BSDC1: variants seen among roughly 807,000 people sequenced by gnomAD.
The protein encoded by BSDC1 is BSD domain containing 1, also known as BSD domain-containing protein 1.
Under a neutral mutation model 56.0 loss-of-function variants are expected in BSDC1, and 29 were observed. The observed-to-expected ratio is 0.52, with a 90% CI of 0.39 to 0.71. The LOEUF is 0.71. Ranked by LOEUF, BSDC1 falls within the 30% of genes least tolerant of loss-of-function variation. BSDC1 has a pLI of 0.00. For missense variants in BSDC1, 477 were observed against 548.5 expected (o/e 0.87, Z 1.30); for synonymous variants, 210 against 215.3 (o/e 0.98, Z 0.21).
intron 9 of BSDC1, among the ~76,000 whole-genome samples, chr1:32,369,539 CA>C (rs1641992740): frequency 6.6e-6 from 1 of 152,100 alleles, no homozygotes; most frequent in African/African-American, 2.4e-5. Flanking sequence ...CTCGGACCCC[CA>C]AACAGTAGAC....
intron 9 of BSDC1, among the ~76,000 whole-genome samples, chr1:32,372,105 G>A (rs114249002): frequency 1.5e-4 from 23 of 152,322 alleles, no homozygotes; most frequent in African/African-American, 5.1e-4. Context: ...AGGTATGAAT[G>A]TAAAGTGCCT....
At chr1:32,387,732 T>C (rs1483052282) in intron 2 of BSDC1, among the ~76,000 whole-genome samples, 1 of 152,210 alleles carries the variant, frequency 6.6e-6, no homozygotes, top group East Asian at 1.9e-4. Flanking sequence ...GTATGTGAAG[T>C]TATTTGCCTT....
At chr1:32,393,405 C>T (rs1009353123) in intron 2 of BSDC1, among the ~76,000 whole-genome samples, 3 of 152,206 alleles carry the variant, frequency 2.0e-5, no homozygotes, top group Non-Finnish European at 4.4e-5. Flanking sequence ...GGCTCATGCT[C>T]ATCTCTGGCT....
intron 10 of BSDC1, chr1:32,366,999 C>T: frequency 9.5e-7 from 1 of 1,053,990 alleles, no homozygotes; most frequent in Non-Finnish European, 1.1e-6. Context: ...AATGCCATGG[C>T]TCTGAGAAGC....
At chr1:32,381,354 C>T in intron 4 of BSDC1, 86 bp from the exon 5 acceptor site, 1 of 1,327,470 alleles carries the variant, frequency 7.5e-7, no homozygotes, top group Admixed American at 1.9e-5. Context: ...ACTCAGTCAA[C>T]CACAATCCAG....
intron 9 of BSDC1, among the ~76,000 whole-genome samples, chr1:32,371,546 G>A (rs1431443776): frequency 2.0e-5 from 3 of 151,878 alleles, no homozygotes; most frequent in Non-Finnish European, 4.4e-5. Context: ...TCCTGACCTC[G>A]TGATCTGCCC....
intron 9 of BSDC1, among the ~76,000 whole-genome samples, chr1:32,369,500 CCT>C (rs958254189): frequency 1.3e-5 from 2 of 152,050 alleles, no homozygotes; most frequent in Admixed American, 1.3e-4. Context: ...AGTGCAAAAC[CCT>C]GTCTCTAAAG....
intron 9 of BSDC1, among the ~76,000 whole-genome samples, chr1:32,370,719 G>A (rs925567469): frequency 6.9e-6 from 1 of 145,788 alleles, no homozygotes; most frequent in Middle Eastern, 3.5e-3. Context: ...CAGAAGAATC[G>A]CTTGAACCCG....
intron 5 of BSDC1, among the ~76,000 whole-genome samples, chr1:32,380,287 CTT>C (rs1196091612): frequency 6.6e-6 from 1 of 152,224 alleles, no homozygotes; most frequent in African/African-American, 2.4e-5. Context: ...TGCCCACTCT[CTT>C]TGCCTGAATG....
rs780218289 is a variant in BSDC1 at position 32,384,011 on chromosome 1, G to A, written c.190-14C>T. 14 of 1,613,040 alleles carry A rather than the reference G, an allele frequency of 8.7e-6. No individual in the cohort carries two copies. The highest frequency in any genetic ancestry group is 1.7e-5 in the Admixed American group (1 of 60,014). On this transcript the variant is annotated splice_polypyrimidine_tract_variant and intron_variant, in intron 3 of 10. Coordinates refer to ENST00000455895, the MANE Select transcript of BSDC1 (RefSeq NM_018045.8). ...GGAGCCTTCCGTCTGTATAGAGAAC[G>A]GGCAGAGGAAGCAAGCGCCCCGGGA...
chr1:32,394,258 AC>A, intron 1 of BSDC1, 118 bp from the exon 2 acceptor site: 2 of 1,534,400 alleles, frequency 1.3e-6, no homozygotes, highest in Non-Finnish European at 9.0e-7. Flanking sequence ...CCGCTTGCCC[AC>A]CCCCTCACAA....
At chr1:32,367,244 C>T (rs1450017935) in intron 10 of BSDC1, 2 of 985,350 alleles carry the variant, frequency 2.0e-6, no homozygotes, top group African/African-American at 1.7e-5. Flanking sequence ...TGTTCCTACT[C>T]TTGGCCTGCT....
intron 3 of BSDC1, among the ~76,000 whole-genome samples, chr1:32,386,187 C>T (rs998350087): frequency 9.2e-5 from 14 of 151,994 alleles, no homozygotes; most frequent in East Asian, 1.9e-4. Context: ...GGCGTGGTGG[C>T]GGGCGCCTGT....
rs1641856754 is a variant in BSDC1, at chr1:32,366,523, G to T, written c.*99C>A. 1.7e-6 allele frequency: 2 copies of T among 1,173,382 alleles called. No individual in the cohort carries two copies. The highest frequency in any genetic ancestry group is 4.0e-5 in the Admixed American group (2 of 50,464). The allele number at this position is 1,173,382 out of a possible 1,614,324, so 72.7% of individuals were successfully genotyped here. A position where few individuals can be genotyped will look rare whatever the true frequency, so the allele number is the denominator to read the frequency against. On this transcript the variant is annotated 3_prime_UTR_variant, in exon 11 of 11. Coordinates refer to ENST00000455895, the MANE Select transcript of BSDC1 (RefSeq NM_018045.8). Reference sequence around the variant, plus strand: ...GTGCCCAGAGCTCTGGTTGGCAGAGGAGATTTGGGGGAACATTCTCAGTCT... The same window carrying T: ...GTGCCCAGAGCTCTGGTTGGCAGAGTAGATTTGGGGGAACATTCTCAGTCT...
intron 2 of BSDC1, among the ~76,000 whole-genome samples, chr1:32,387,655 T>TA (rs1399814621): frequency 6.6e-6 from 1 of 152,218 alleles, no homozygotes; most frequent in Non-Finnish European, 1.5e-5. Flanking sequence ...TGATTTTTTT[T>TA]ATCAAAGGAA....
chr1:32,385,255 G>C (rs926804014), intron 3 of BSDC1, among the ~76,000 whole-genome samples: 6 of 152,226 alleles, frequency 3.9e-5, no homozygotes, highest in South Asian at 2.1e-4. Context: ...TCTTATAAGA[G>C]GTTTCCACTG....
chr1:32,383,319 C>T (rs1281944418), intron 4 of BSDC1, among the ~76,000 whole-genome samples: 3 of 151,742 alleles, frequency 2.0e-5, no homozygotes, highest in Non-Finnish European at 2.9e-5. Context: ...TGGTGGTTCA[C>T]GCCAGTGGTC....
rs1642838191 is a variant in BSDC1 at position 32,390,753 on chromosome 1, A to T, written c.72+3327T>A. On this transcript the variant is annotated intron_variant, in intron 2 of 10. Transcript: ENST00000455895. ...TGGCGAGATCTCATCTCTACAAAAAATACAAAAATTAGTTGGGCGTGATGG... is the reference window on the plus strand; with the variant it reads ...TGGCGAGATCTCATCTCTACAAAAATTACAAAAATTAGTTGGGCGTGATGG... Among the ~76,000 whole-genome samples the T allele has an allele frequency of 1.3e-5, 2 of 152,246 alleles. 1 individual carries two copies. Among genetic ancestry groups the T allele is most frequent in the South Asian group, 4.1e-4 (2 of 4,822 alleles).
intron 3 of BSDC1, among the ~76,000 whole-genome samples, chr1:32,385,119 A>G (rs759536088): frequency 3.9e-4 from 59 of 152,334 alleles, no homozygotes; most frequent in Non-Finnish European, 5.7e-4. Context: ...ATCTGTTCCA[A>G]TGCTAAAGGA....
Sources: gnomAD v4.1 joint callset for allele counts (sites outside exome capture counted in the v4.1 genomes callset) on GRCh38, gnomAD v4.1.1 for gene constraint, MANE v1.5 for transcripts, NCBI Gene and HGNC (gene_info 2026-07-23, HGNC 2026-07-21) for gene names.